NBAS: variants seen among roughly 807,000 people sequenced by gnomAD.
The protein encoded by NBAS is NBAS subunit of NRZ tethering complex.
A neutral mutation model predicts 302.5 loss-of-function variants in NBAS; 219 were observed. The observed-to-expected ratio is 0.72, with a 90% CI of 0.65 to 0.81. NBAS has a LOEUF of 0.81. Among genes scored for constraint, NBAS ranks in the 30% least tolerant of loss-of-function variants. The pLI is 0.00. For synonymous variants in NBAS, 1,118 were observed against 1,021.6 expected, an observed-to-expected ratio of 1.09 and a Z score of -1.80; for missense variants, 2,932 against 2,841.6, an observed-to-expected ratio of 1.03 and a Z score of -0.72.
chr2:15,184,031 C>A (rs754598564), intron 50 of NBAS, among the ~76,000 whole-genome samples: 17 of 152,178 alleles, frequency 1.1e-4, no homozygotes, highest in Non-Finnish European at 1.8e-4. Context: ...CATTTAACCA[C>A]CAAGTCATTT....
chr2:14,929,921 C>A, the NBAS span, among the ~76,000 whole-genome samples: 1 of 152,126 alleles, frequency 6.6e-6, no homozygotes, highest in Non-Finnish European at 1.5e-5. Flanking sequence ...TTCCCCCTTG[C>A]TGTTCTTGTG....
chr2:15,475,247 T>G (rs1054446838), intron 14 of NBAS, among the ~76,000 whole-genome samples: 4 of 152,216 alleles, frequency 2.6e-5, no homozygotes, highest in Non-Finnish European at 5.9e-5. Context: ...AATAAAATTT[T>G]TAAATGACCA....
At chr2:14,782,437 T>C in the NBAS span, among the ~76,000 whole-genome samples, 2 of 152,174 alleles carry the variant, frequency 1.3e-5, no homozygotes, top group African/African-American at 4.8e-5. Flanking sequence ...AGAGTGGCTA[T>C]TATGATAAAG....
chr2:15,269,123 C>T (rs1669204174), intron 44 of NBAS, among the ~76,000 whole-genome samples: 1 of 152,090 alleles, frequency 6.6e-6, no homozygotes, highest in Non-Finnish European at 1.5e-5. Context: ...AAGTGAGATT[C>T]CCCAGCAAAA....
chr2:15,467,116 C>T (rs527317107), intron 19 of NBAS, among the ~76,000 whole-genome samples: 4 of 152,230 alleles, frequency 2.6e-5, no homozygotes, highest in African/African-American at 9.6e-5. Flanking sequence ...GGCTAAGGCA[C>T]TTCTATTCCC....
chr2:14,996,721 C>T, the NBAS span, among the ~76,000 whole-genome samples: 1 of 152,178 alleles, frequency 6.6e-6, no homozygotes, highest in Non-Finnish European at 1.5e-5. Context: ...TTCTGCCTTC[C>T]AAAGGGCAGG....
Position 15,520,347 on chromosome 2 carries a change from A to G in NBAS, c.747-8997T>C, listed in dbSNP as rs565080011. Among the ~76,000 whole-genome samples the G allele has an allele frequency of 2.0e-5, 3 of 152,296 alleles. No homozygotes were observed. The South Asian group carries it at 6.2e-4, about 32-fold the overall frequency. On this transcript the variant is annotated intron_variant, in intron 9 of 51. Coordinates refer to ENST00000281513, the MANE Select transcript of NBAS (RefSeq NM_015909.4). Reference sequence around the variant, plus strand: ...AGCCCAGGAGGTAGAAGCTACAGCAAGCCAAGATCACATACATCACTGCAC... The same window carrying G: ...AGCCCAGGAGGTAGAAGCTACAGCAGGCCAAGATCACATACATCACTGCAC...
chr2:15,218,967 C>T lies in NBAS; in HGVS notation c.6238G>A (p.Glu2080Lys). Residue 2080 changes from glutamate (E) to lysine (K), a missense_variant and splice_region_variant, in exon 48 of 52, where the codon GAG (glutamate) becomes AAG (lysine). Physicochemically the swap from Glu to Lys is moderately conservative, Grantham distance 56. Transcript: ENST00000281513. ...AAVHASVDKG[E>K]ELVSPEDLLE... ...AGGTCCTCAGGTGAAACCAGCTCCT[C>T]ACTGCAGGGCAAAATCCAGAGGTAT... The T allele has an allele frequency of 6.2e-7, 1 of 1,614,248 alleles. No individual in the cohort carries two copies. The highest frequency in any genetic ancestry group is 2.2e-5 in the East Asian group (1 of 44,888).
At chr2:15,473,035 A>C (rs1320399756) in intron 16 of NBAS, among the ~76,000 whole-genome samples, 187 bp downstream of exon 16, 6 of 152,202 alleles carry the variant, frequency 3.9e-5, no homozygotes, top group Admixed American at 3.9e-4. Flanking sequence ...TGTATTCAGC[A>C]TCAAAGTCCA....
At chr2:15,110,453 G>T in the NBAS span, among the ~76,000 whole-genome samples, 1 of 152,092 alleles carries the variant, frequency 6.6e-6, no homozygotes, top group African/African-American at 2.4e-5. Context: ...TATGTAAAGT[G>T]TTCATACATA....
chr2:15,499,395 G>C (rs1681196621), intron 11 of NBAS, among the ~76,000 whole-genome samples: 1 of 152,186 alleles, frequency 6.6e-6, no homozygotes, highest in East Asian at 1.9e-4. Context: ...TAAAGAAAAT[G>C]TGTTACATAC....
At chr2:15,445,203 C>T (rs1387741754) in intron 21 of NBAS, among the ~76,000 whole-genome samples, 2 of 150,616 alleles carry the variant, frequency 1.3e-5, no homozygotes, top group East Asian at 3.9e-4. Context: ...GACACATGCA[C>T]ATGTATGTTT....
At chr2:15,488,872 T>C in intron 12 of NBAS, 22 bp downstream of exon 12, 1 of 1,613,084 alleles carries the variant, frequency 6.2e-7, no homozygotes, top group Non-Finnish European at 8.5e-7. Flanking sequence ...GAGAGTATCA[T>C]TCTAATAACC....
rs141961983 is a variant in NBAS, at chr2:15,421,347, T to A, written c.2577+2968A>T. Among the ~76,000 whole-genome samples the A allele has an allele frequency of 2.7e-3, 417 of 152,324 alleles. 2 individuals are homozygous for A. The highest frequency in any genetic ancestry group is 9.3e-3 in the African/African-American group (387 of 41,560). ...GCCTTCCCAAATACTTACTAAAGTA[T>A]AAGTGTTTTAAAATGAAATTACTGA... On this transcript the variant is annotated intron_variant, in intron 23 of 51. Transcript: ENST00000281513.
chr2:15,155,898 C>T, the NBAS span, among the ~76,000 whole-genome samples: 4 of 152,278 alleles, frequency 2.6e-5, no homozygotes, highest in Non-Finnish European at 5.9e-5. Flanking sequence ...CAACTCATCA[C>T]CGGGTGTTAT....
the NBAS span, among the ~76,000 whole-genome samples, chr2:15,027,015 TATA>T: frequency 6.6e-5 from 10 of 152,168 alleles, no homozygotes; most frequent in Non-Finnish European, 1.5e-4. Flanking sequence ...GGTTTTAGGG[TATA>T]ATAATACCTG....
the NBAS span, among the ~76,000 whole-genome samples, chr2:15,157,886 G>C: frequency 6.6e-6 from 1 of 152,158 alleles, no homozygotes; most frequent in Non-Finnish European, 1.5e-5. Flanking sequence ...ATGAACATAA[G>C]AGTATCACAT....
At chr2:14,956,634 C>G in the NBAS span, among the ~76,000 whole-genome samples, 1 of 152,164 alleles carries the variant, frequency 6.6e-6, no homozygotes, top group South Asian at 2.1e-4. Flanking sequence ...GCAAACACGT[C>G]CTTCTTCACA....
At chr2:14,798,187 T>C in the NBAS span, among the ~76,000 whole-genome samples, 14 of 152,316 alleles carry the variant, frequency 9.2e-5, no homozygotes, top group East Asian at 2.5e-3. Flanking sequence ...GAGGAAATCA[T>C]TCAGTCCTTG....
Sources: allele counts gnomAD v4.1 joint callset (sites outside exome capture counted in the v4.1 genomes callset), GRCh38; gene constraint gnomAD v4.1.1; transcripts MANE v1.5; gene names NCBI Gene and HGNC (gene_info 2026-07-23, HGNC 2026-07-21).